Variants in C2CD5 observed in about 807,000 individuals in gnomAD.
C2CD5 encodes C2 calcium dependent domain containing 5, also known as C2 domain-containing protein 5.
In C2CD5, 109 loss-of-function variants were observed where a neutral mutation model predicts 130.3. The ratio of observed to expected loss-of-function variants is 0.84; its 90% confidence interval spans 0.72 to 0.98. The LOEUF (loss-of-function observed/expected upper bound fraction) is 0.98, where lower values mean the gene tolerates loss of function less well. Ranked by LOEUF, C2CD5 falls within the 50% of genes least tolerant of loss-of-function variation. The pLI, the probability that C2CD5 is intolerant of heterozygous loss-of-function variation, is 0.00. For missense variants in C2CD5, 996 were observed against 1,261.8 expected (o/e 0.79, Z 3.19); for synonymous variants, 454 against 429.2 (o/e 1.06, Z -0.71).
At chr12:22,536,674 TGAA>T in intron 2 of C2CD5, among the ~76,000 whole-genome samples, 1 of 152,264 alleles carries the variant, frequency 6.6e-6, no homozygotes, top group Middle Eastern at 3.4e-3. Flanking sequence ...GTTAAGAGGA[TGAA>T]GAATAGATTA....
intron 11 of C2CD5, among the ~76,000 whole-genome samples, chr12:22,491,111 CAG>C (rs769894037): frequency 7.9e-5 from 12 of 152,190 alleles, no homozygotes; most frequent in Non-Finnish European, 1.6e-4. Context: ...AATCCAGTAA[CAG>C]AAAGTAGCAT....
chr12:22,530,422 A>G (rs1592010655), intron 3 of C2CD5, among the ~76,000 whole-genome samples: 1 of 151,660 alleles, frequency 6.6e-6, no homozygotes, highest in Non-Finnish European at 1.5e-5. Context: ...CAGCATATAT[A>G]TTATTCGGGA....
chr12:22,527,586 G>A, intron 4 of C2CD5, 135 bp downstream of exon 4: 1 of 486,918 alleles, frequency 2.1e-6, no homozygotes. Context: ...CCAAAGTGCT[G>A]GGATTACAGG....
chr12:22,457,844 T>C (rs1428471786), intron 24 of C2CD5, among the ~76,000 whole-genome samples: 1 of 152,128 alleles, frequency 6.6e-6, no homozygotes, highest in Non-Finnish European at 1.5e-5. Context: ...GTTAGAGAAG[T>C]TAAGTAACTT....
chr12:22,523,403 C>A (rs370122904), intron 7 of C2CD5, 23 bp downstream of exon 7: 132 of 1,579,156 alleles, frequency 8.4e-5, no homozygotes, highest in Non-Finnish European at 1.1e-4. Flanking sequence ...TTAGCAAGAA[C>A]AATTTCATTG....
intron 11 of C2CD5, among the ~76,000 whole-genome samples, chr12:22,491,756 C>T (rs1946383525): frequency 6.6e-6 from 1 of 151,912 alleles, no homozygotes; most frequent in Non-Finnish European, 1.5e-5. Flanking sequence ...CCTGTAATCC[C>T]AGCTACTAAG....
chr12:22,486,527 G>A (rs1331654353), intron 12 of C2CD5, among the ~76,000 whole-genome samples: 1 of 152,062 alleles, frequency 6.6e-6, no homozygotes, highest in Non-Finnish European at 1.5e-5. Flanking sequence ...AACTGCTGAG[G>A]ACTAGCACAT....
chr12:22,536,973 T>C (rs1056383341), intron 2 of C2CD5, among the ~76,000 whole-genome samples: 11 of 152,238 alleles, frequency 7.2e-5, no homozygotes, highest in African/African-American at 1.9e-4. Context: ...GAAATACTTA[T>C]TGTTTAATTT....
At chr12:22,530,141 GTGTA>G (rs1951127541) in intron 3 of C2CD5, among the ~76,000 whole-genome samples, 4 of 110,046 alleles carry the variant, frequency 3.6e-5, no homozygotes, top group African/African-American at 1.6e-4. Flanking sequence ...CACACACACA[GTGTA>G]TATATATTAT....
At chr12:22,495,219 T>C (rs1946858497) in intron 10 of C2CD5, among the ~76,000 whole-genome samples, 1 of 152,080 alleles carries the variant, frequency 6.6e-6, no homozygotes. Context: ...ATGTACTATG[T>C]TTTTATAAGA....
chr12:22,544,259 C>T, intron 1 of C2CD5, 61 bp downstream of exon 1: 1 of 1,049,036 alleles, frequency 9.5e-7, no homozygotes, highest in South Asian at 1.7e-5. Flanking sequence ...TAACTGACAG[C>T]GAAGGAGCGC....
At chr12:22,505,322 A>G (rs2136699755) in intron 10 of C2CD5, among the ~76,000 whole-genome samples, 1 of 147,106 alleles carries the variant, frequency 6.8e-6, no homozygotes, top group African/African-American at 2.6e-5. Flanking sequence ...TAGTGGCACA[A>G]TCTCGGCTCA....
chr12:22,507,601 T>C (rs951467768), intron 9 of C2CD5, among the ~76,000 whole-genome samples: 1 of 152,042 alleles, frequency 6.6e-6, no homozygotes, highest in African/African-American at 2.4e-5. Context: ...GGAAATTCAT[T>C]GAAATAGGAC....
intron 9 of C2CD5, among the ~76,000 whole-genome samples, chr12:22,509,158 G>A (rs986431866): frequency 3.3e-5 from 5 of 152,162 alleles, no homozygotes; most frequent in Admixed American, 2.0e-4. Flanking sequence ...GATTACAGGC[G>A]TGAGCCACCG....
In C2CD5 at chr12:22,544,048, AC is replaced by A. The variant is rs745953415; in HGVS notation, c.90+12del. On this transcript the variant is annotated intron_variant, in intron 2 of 26. Coordinates refer to ENST00000446597, the MANE Select transcript of C2CD5 (RefSeq NM_001286176.2). ...CGCTCCCTGTGTTTTGAGGGGCAGG[AC>A]CCTGCACCAACCTCCACGAAGGCAT... 2 of 1,594,436 alleles carry A rather than the reference AC, an allele frequency of 1.3e-6. No homozygotes were observed. The highest frequency in any genetic ancestry group is 2.2e-5 in the South Asian group (2 of 90,452).
intron 9 of C2CD5, chr12:22,507,046 A>C (rs1053082369): frequency 2.3e-5 from 8 of 351,414 alleles, no homozygotes; most frequent in Non-Finnish European, 3.7e-5. Flanking sequence ...CCATTTCATC[A>C]GTTCTCAATG....
intron 10 of C2CD5, among the ~76,000 whole-genome samples, chr12:22,501,170 G>A (rs1045089974): frequency 2.6e-5 from 4 of 152,046 alleles, no homozygotes; most frequent in African/African-American, 7.2e-5. Context: ...ATACTACAAG[G>A]TGTCATCATT....
intron 9 of C2CD5, among the ~76,000 whole-genome samples, chr12:22,510,944 A>G (rs1949115933): frequency 6.6e-6 from 1 of 152,202 alleles, no homozygotes; most frequent in Admixed American, 6.5e-5. Context: ...CAGCCTGGGC[A>G]TCATAGAGAG....
chr12:22,457,285 G>A, intron 24 of C2CD5, 124 bp from the exon 25 acceptor site: 1 of 571,810 alleles, frequency 1.7e-6, no homozygotes, highest in South Asian at 3.6e-5. Context: ...TGTCATGAAA[G>A]AAAAGAAATT....
Sources: gnomAD v4.1 joint callset for allele counts (sites outside exome capture counted in the v4.1 genomes callset) on GRCh38, gnomAD v4.1.1 for gene constraint, MANE v1.5 for transcripts, NCBI Gene and HGNC (gene_info 2026-07-23, HGNC 2026-07-21) for gene names.